The following PREP variants were observed in gnomAD, a reference collection of about 807,000 sequenced individuals.
The protein encoded by PREP is prolyl endopeptidase.
In PREP, 29 loss-of-function variants were observed where a neutral mutation model predicts 87.6. The observed-to-expected ratio is 0.33, with a 90% CI of 0.25 to 0.45. The LOEUF (loss-of-function observed/expected upper bound fraction) is 0.45, where lower values mean the gene tolerates loss of function less well. PREP is among the 20% of genes least tolerant of loss of function. PREP has a pLI of 1.00. For synonymous variants in PREP, 337 were observed against 328.6 expected (o/e 1.03, Z -0.28); for missense variants, 695 against 886.5 (o/e 0.78, Z 2.74).
rs942191599 is a variant in PREP at position 105,278,497 on chromosome 6, G to C, written c.1839-59C>G. On this transcript the variant is annotated intron_variant, in intron 14 of 14. Transcript: ENST00000652536. This position sits in a 1 kb window ranked among gnomAD's most constrained non-coding sequence, Gnocchi z 4.2. ...AGCAACAGTAGAGTTTTATGGCACA[G>C]GGACCTAGGTAGTTAATTAGCAGTG... The C allele has an allele frequency of 5.9e-6, 9 of 1,514,722 alleles. No homozygotes were observed. Among genetic ancestry groups the C allele is most frequent in the African/African-American group, 1.4e-5 (1 of 73,038 alleles). The allele number at this position is 1,514,722 out of a possible 1,614,324, so 93.8% of individuals were successfully genotyped here. A position where few individuals can be genotyped will look rare whatever the true frequency, so the allele number is the denominator to read the frequency against.
intron 4 of PREP, among the ~76,000 whole-genome samples, chr6:105,374,452 ATTC>A (rs1772634910): frequency 6.6e-6 from 1 of 151,982 alleles, no homozygotes; most frequent in Admixed American, 6.5e-5. Flanking sequence ...GAGGTTTCCT[ATTC>A]TTTTACGTGG....
Position 105,273,221 on chromosome 6 carries a change from C to T in PREP, c.*4923G>A, listed in dbSNP as rs1279073565. The T allele has an allele frequency of 6.6e-6, 1 of 152,152 alleles. No homozygotes were observed. The highest frequency in any genetic ancestry group is 2.1e-4 in the South Asian group (1 of 4,830). 9.4% of individuals were successfully genotyped at this position (152,152 alleles called of 1,614,324 possible). ...GGCACTCATCCAGAAAGGGTCATTG[C>T]TCTTTTTTCTCTTTATTTCACTACC... On this transcript the variant is annotated 3_prime_UTR_variant, in exon 15 of 15. Transcript: ENST00000652536.
intron 7 of PREP, among the ~76,000 whole-genome samples, chr6:105,337,762 T>G (rs1205012486): frequency 1.3e-5 from 2 of 152,244 alleles, no homozygotes; most frequent in African/African-American, 2.4e-5. Context: ...TTTATAAATT[T>G]TTTACATTTC....
intron 10 of PREP, chr6:105,299,033 G>C (rs1254677720): frequency 6.6e-6 from 1 of 152,202 alleles, no homozygotes; most frequent in Non-Finnish European, 1.5e-5. Context: ...GCACCGCAAG[G>C]CTGTAAGGAA....
At chr6:105,385,917 C>T (rs1055413803) in intron 2 of PREP, among the ~76,000 whole-genome samples, 2 of 152,050 alleles carry the variant, frequency 1.3e-5, no homozygotes, top group Non-Finnish European at 2.9e-5. Flanking sequence ...GTCAGGAGAT[C>T]GAGACCAGCC....
At chr6:105,349,398 CTAAGA>C (rs924186029) in intron 7 of PREP, among the ~76,000 whole-genome samples, 106 of 152,274 alleles carry the variant, frequency 7.0e-4, no homozygotes, top group African/African-American at 2.3e-3. Context: ...TTTCAAGTTG[CTAAGA>C]TATTTTCTAT....
intron 7 of PREP, among the ~76,000 whole-genome samples, chr6:105,333,835 G>C (rs767482168): frequency 3.8e-4 from 58 of 152,080 alleles, no homozygotes; most frequent in Non-Finnish European, 7.4e-4. Flanking sequence ...ACCATTCCAA[G>C]TCGTCGTCGT....
At chr6:105,329,155 A>ATT (rs11345908) in intron 8 of PREP, 129 bp from the exon 9 acceptor site, 389 of 721,992 alleles carry the variant, frequency 5.4e-4, no homozygotes, top group Non-Finnish European at 6.7e-4. Flanking sequence ...TCACTTTTAC[A>ATT]TTTTTTTTTT....
Position 105,368,932 on chromosome 6 carries a change from C to T in PREP, c.688G>A (p.Asp230Asn), listed in dbSNP as rs1772466258. 2.5e-6 allele frequency: 4 copies of T among 1,613,952 alleles called. No individual in the cohort carries two copies. The South Asian group carries it at 3.3e-5, about 13-fold the overall frequency. Residue 230 changes from aspartate (D) to asparagine (N), a missense_variant, in exon 6 of 15, where the codon GAT becomes AAT. Physicochemically the swap from Asp to Asn is conservative, Grantham distance 23. Transcript: ENST00000652536. ...SEDILCAEFP[D>N]EPKWMGGAEL... The stretch of plus-strand genomic sequence containing the variant: ...GCTCCACCCATCCATTTAGGTTCAT[C>T]AGGAAACTCAGCACACAAAATATCT...
chr6:105,281,571 GTTCAAGACCATAT>G, intron 14 of PREP, 162 bp downstream of exon 14: 1 of 771,804 alleles, frequency 1.3e-6, no homozygotes, highest in East Asian at 3.0e-5. Flanking sequence ...TGTTGCTTTT[GTTCAAGACCATAT>G]TAAATCAAGA....
chr6:105,352,598 G>C (rs1425165837), intron 7 of PREP, among the ~76,000 whole-genome samples: 1 of 152,104 alleles, frequency 6.6e-6, no homozygotes, highest in African/African-American at 2.4e-5. Flanking sequence ...CTGTCTTCCT[G>C]CCTCAGCCTC....
chr6:105,383,659 C>T (rs920751096), intron 2 of PREP, among the ~76,000 whole-genome samples: 1 of 152,136 alleles, frequency 6.6e-6, no homozygotes, highest in African/African-American at 2.4e-5. Context: ...AGGCCTCTTT[C>T]CACCTCTCTG....
intron 14 of PREP, chr6:105,281,509 G>A: frequency 2.3e-6 from 1 of 434,166 alleles, no homozygotes; most frequent in Non-Finnish European, 4.1e-6. Flanking sequence ...ACCAGGGTAG[G>A]AATCTTGGGA....
intron 1 of PREP, among the ~76,000 whole-genome samples, chr6:105,400,174 G>GA (rs763497628): frequency 6.6e-6 from 1 of 152,128 alleles, no homozygotes; most frequent in Non-Finnish European, 1.5e-5. Flanking sequence ...CACTTCCCTT[G>GA]AATCAAATTC....
At chr6:105,291,991 C>G (rs1391491340) in intron 10 of PREP, among the ~76,000 whole-genome samples, 2 of 152,192 alleles carry the variant, frequency 1.3e-5, no homozygotes, top group African/African-American at 2.4e-5. Context: ...TTCAGCAGTT[C>G]AATCACATAT....
intron 1 of PREP, among the ~76,000 whole-genome samples, chr6:105,401,032 G>A (rs911011356): frequency 6.6e-6 from 1 of 152,222 alleles, no homozygotes; most frequent in South Asian, 2.1e-4. Context: ...GACTGGGCCA[G>A]AGCTACATTC....
chr6:105,378,897 A>G (rs1020677672), intron 2 of PREP, among the ~76,000 whole-genome samples: 12 of 152,178 alleles, frequency 7.9e-5, no homozygotes, highest in African/African-American at 2.2e-4. Context: ...CAAGCTCACA[A>G]TGGTCTTCAA....
In PREP at chr6:105,285,540, G is replaced by C; in HGVS notation, c.1495C>G (p.Leu499Val). 3.7e-6 allele frequency: 6 copies of C among 1,613,946 alleles called. No individual in the cohort carries two copies. Among genetic ancestry groups the C allele is most frequent in the Middle Eastern group, 3.3e-4 (2 of 6,084 alleles). Reference sequence around the variant, plus strand: ...CCTCCTCTGATGTTGGCCACTGCCAGGATACCACCCATGTGTCTCACAAAA... The same window carrying C: ...CCTCCTCTGATGTTGGCCACTGCCACGATACCACCCATGTGTCTCACAAAA... The part of the protein sequence containing the change: ...LIFVRHMGGI[L>V]AVANIRGGGE... Residue 499 changes from leucine (L) to valine (V), a missense_variant, in exon 12 of 15, where the codon CTG (leucine) becomes GTG (valine). By Grantham distance (32) the Leu-to-Val change is conservative. Coordinates refer to ENST00000652536, the MANE Select transcript of PREP (RefSeq NM_002726.5).
chr6:105,324,690 C>T (rs1238607583), intron 9 of PREP, among the ~76,000 whole-genome samples: 1 of 152,160 alleles, frequency 6.6e-6, no homozygotes, highest in Non-Finnish European at 1.5e-5. Context: ...ACGGTACTCC[C>T]ACAGAGCACA....
Sources: allele counts gnomAD v4.1 joint callset (sites outside exome capture counted in the v4.1 genomes callset), GRCh38; gene constraint gnomAD v4.1.1; non-coding constraint Gnocchi (gnomAD v3.1); transcripts MANE v1.5; gene names NCBI Gene and HGNC (gene_info 2026-07-23, HGNC 2026-07-21).